The following BCAR3 variants were observed in gnomAD, a reference collection of about 807,000 sequenced individuals.
BCAR3 encodes BCAR3 adaptor protein, NSP family member, also known as breast cancer anti-estrogen resistance protein 3.
A neutral mutation model predicts 80.1 loss-of-function variants in BCAR3; 37 were observed. The ratio of observed to expected loss-of-function variants is 0.46; its 90% CI spans 0.36 to 0.61. The LOEUF is 0.61. BCAR3 is among the 20% of genes least tolerant of loss of function. BCAR3 has a pLI of 0.00. For missense variants in BCAR3, 978 were observed against 1,068.2 expected (o/e 0.92, Z 1.18); for synonymous variants, 389 against 418.9 (o/e 0.93, Z 0.87).
chr1:93,767,048 T>C (rs1338996743), intron 2 of BCAR3, among the ~76,000 whole-genome samples: 1 of 152,156 alleles, frequency 6.6e-6, no homozygotes, highest in Non-Finnish European at 1.5e-5. Flanking sequence ...AGCCTCCTTT[T>C]CTATTTAAGT....
chr1:93,711,663 C>G (rs1162886114), intron 2 of BCAR3, among the ~76,000 whole-genome samples: 1 of 152,148 alleles, frequency 6.6e-6, no homozygotes, highest in African/African-American at 2.4e-5. Flanking sequence ...CACAGCACAC[C>G]AGAGTATCCC....
chr1:93,641,208 G>T (rs141244247), intron 3 of BCAR3, among the ~76,000 whole-genome samples: 2 of 152,226 alleles, frequency 1.3e-5, no homozygotes, highest in Non-Finnish European at 2.9e-5. Flanking sequence ...CACTACGACC[G>T]CCCCAAGTGG....
intron 1 of BCAR3, among the ~76,000 whole-genome samples, chr1:93,680,261 G>A (rs1648686211): frequency 6.6e-6 from 1 of 152,218 alleles, no homozygotes; most frequent in Non-Finnish European, 1.5e-5. Flanking sequence ...TATATGAACA[G>A]GAGATTTAGA....
chr1:93,580,854 C>T (rs1476735313), intron 7 of BCAR3, among the ~76,000 whole-genome samples: 3 of 152,140 alleles, frequency 2.0e-5, no homozygotes, highest in African/African-American at 4.8e-5. Context: ...CTAAAATAAA[C>T]GTTTCCTACA....
chr1:93,739,961 G>A (rs1651119899), intron 2 of BCAR3, among the ~76,000 whole-genome samples: 1 of 151,936 alleles, frequency 6.6e-6, no homozygotes, highest in African/African-American at 2.4e-5. Context: ...GCTTGAACCT[G>A]GGAGGCGGAG....
chr1:93,671,879 G>T (rs1412793116), intron 2 of BCAR3, among the ~76,000 whole-genome samples: 4 of 151,990 alleles, frequency 2.6e-5, no homozygotes, highest in Non-Finnish European at 5.9e-5. Context: ...CACCTCAGGA[G>T]ATTTTTTTTT....
At chr1:93,782,598 T>C (rs1039301106) in intron 2 of BCAR3, among the ~76,000 whole-genome samples, 1 of 152,074 alleles carries the variant, frequency 6.6e-6, no homozygotes, top group African/African-American at 2.4e-5. Flanking sequence ...AAATACAATC[T>C]GAGTGTTCAT....
intron 2 of BCAR3, among the ~76,000 whole-genome samples, chr1:93,651,810 C>T (rs1209423596): frequency 6.6e-6 from 1 of 152,200 alleles, no homozygotes; most frequent in Non-Finnish European, 1.5e-5. Context: ...TTCCCCTCCC[C>T]CTTTTATAAA....
intron 2 of BCAR3, among the ~76,000 whole-genome samples, chr1:93,844,697 TTTC>T (rs1293427410): frequency 4.0e-5 from 6 of 150,500 alleles, no homozygotes; most frequent in Non-Finnish European, 7.4e-5. Flanking sequence ...TGGCTGTGAC[TTTC>T]TTCTTTTTTT....
At chr1:93,812,903 A>G (rs910100765) in intron 2 of BCAR3, among the ~76,000 whole-genome samples, 1 of 152,164 alleles carries the variant, frequency 6.6e-6, no homozygotes, top group Admixed American at 6.5e-5. Context: ...ATCATTGTCT[A>G]TATCATCTCC....
chr1:93,599,566 C>A (rs1188727831), intron 3 of BCAR3: 1 of 123,550 alleles, frequency 8.1e-6, no homozygotes, highest in African/African-American at 5.4e-5. Flanking sequence ...TAAAAAGATA[C>A]TTTTAGAGAG....
chr1:93,799,190 C>T (rs546905943), intron 2 of BCAR3, among the ~76,000 whole-genome samples: 31 of 152,304 alleles, frequency 2.0e-4, no homozygotes, highest in African/African-American at 7.0e-4. Context: ...ACTATCAGAG[C>T]CAACAGGTCT....
At chr1:93,733,509 T>C (rs972049863) in intron 2 of BCAR3, among the ~76,000 whole-genome samples, 5 of 152,150 alleles carry the variant, frequency 3.3e-5, no homozygotes, top group East Asian at 1.9e-4. Context: ...CAGGACTTGA[T>C]TGGGGCAGCT....
At chr1:93,841,823 C>T (rs1292186975) in intron 2 of BCAR3, among the ~76,000 whole-genome samples, 1 of 151,340 alleles carries the variant, frequency 6.6e-6, no homozygotes, top group Admixed American at 6.5e-5. Flanking sequence ...ACCTTCTTTA[C>T]CAGCACCTGC....
intron 2 of BCAR3, among the ~76,000 whole-genome samples, chr1:93,721,242 TGGA>T (rs1423774532): frequency 6.6e-6 from 1 of 152,150 alleles, no homozygotes; most frequent in African/African-American, 2.4e-5. Context: ...CCCTGCAGAC[TGGA>T]GCCCAGGGCC....
intron 3 of BCAR3, among the ~76,000 whole-genome samples, chr1:93,618,879 T>G (rs1012887051): frequency 1.3e-5 from 2 of 151,996 alleles, no homozygotes; most frequent in Non-Finnish European, 2.9e-5. Context: ...TACTATGTTG[T>G]TCCGTTTTGC....
intron 7 of BCAR3, among the ~76,000 whole-genome samples, chr1:93,580,188 C>A (rs1031908937): frequency 6.6e-6 from 1 of 152,212 alleles, no homozygotes; most frequent in African/African-American, 2.4e-5. Context: ...GCCTAAAGTT[C>A]CTCAAGCCTG....
intron 2 of BCAR3, among the ~76,000 whole-genome samples, chr1:93,785,061 T>C (rs997137642): frequency 2.6e-5 from 4 of 152,186 alleles, no homozygotes; most frequent in African/African-American, 9.7e-5. Flanking sequence ...AGCTGGGCCA[T>C]TCTGGGAGTT....
chr1:93,809,219 T>C (rs1653746949), intron 2 of BCAR3, among the ~76,000 whole-genome samples: 1 of 152,070 alleles, frequency 6.6e-6, no homozygotes, highest in African/African-American at 2.4e-5. Flanking sequence ...TTTAGAAGGA[T>C]GGGGAGGAGG....
Sources: gnomAD v4.1 joint callset for allele counts (sites outside exome capture counted in the v4.1 genomes callset) on GRCh38, gnomAD v4.1.1 for gene constraint, MANE v1.5 for transcripts, NCBI Gene and HGNC (gene_info 2026-07-23, HGNC 2026-07-21) for gene names.